The following APBB2 variants were observed in gnomAD, a reference collection of about 807,000 sequenced individuals.
The protein encoded by APBB2 is amyloid beta precursor protein binding family B member 2, also known as Fe65-like 1.
Under a neutral mutation model 82.5 loss-of-function variants are expected in APBB2, and 38 were observed. That is an observed-to-expected ratio of 0.46 (90% CI 0.36 to 0.60). APBB2 has a LOEUF of 0.60. Ranked by LOEUF, APBB2 falls within the 20% of genes least tolerant of loss-of-function variation. The probability of loss-of-function intolerance (pLI) is 0.00; values close to 1 mark genes in which losing one functional copy is unlikely to be tolerated. For synonymous variants in APBB2, 341 were observed against 368.2 expected (o/e 0.93, Z 0.85); for missense variants, 772 against 972.3 (o/e 0.79, Z 2.74).
At chr4:40,924,024 C>T (rs1781990474) in intron 10 of APBB2, among the ~76,000 whole-genome samples, 1 of 152,224 alleles carries the variant, frequency 6.6e-6, no homozygotes, top group Non-Finnish European at 1.5e-5. Context: ...CTGCACCACT[C>T]AACGGAAAAG....
intron 1 of APBB2, among the ~76,000 whole-genome samples, chr4:41,184,164 T>C (rs915483494): frequency 3.9e-5 from 6 of 152,070 alleles, no homozygotes; most frequent in African/African-American, 1.4e-4. Flanking sequence ...CAGGTGGTAA[T>C]GAGAGCCATG....
At chr4:41,148,147 C>A (rs1389611552) in intron 1 of APBB2, among the ~76,000 whole-genome samples, 1 of 152,168 alleles carries the variant, frequency 6.6e-6, no homozygotes, top group East Asian at 1.9e-4. Context: ...CCGAAACTGG[C>A]ATCCAACAAA....
intron 17 of APBB2, among the ~76,000 whole-genome samples, chr4:40,820,313 G>C (rs1407405955): frequency 6.6e-6 from 1 of 152,174 alleles, no homozygotes; most frequent in African/African-American, 2.4e-5. Flanking sequence ...CCTCAGCCTT[G>C]TTCCTCCAAC....
intron 2 of APBB2, among the ~76,000 whole-genome samples, chr4:41,129,160 G>C (rs902470897): frequency 1.3e-5 from 2 of 152,180 alleles, no homozygotes; most frequent in Non-Finnish European, 2.9e-5. Context: ...AACCCATAAA[G>C]CAGGAAGAGC....
intron 12 of APBB2, among the ~76,000 whole-genome samples, chr4:40,841,947 T>C (rs544548867): frequency 6.6e-6 from 1 of 152,358 alleles, no homozygotes; most frequent in South Asian, 2.1e-4. Flanking sequence ...CCCAAAGTGT[T>C]AGGATTACAG....
intron 1 of APBB2, among the ~76,000 whole-genome samples, chr4:41,161,182 A>C (rs921515998): frequency 1.4e-4 from 21 of 151,900 alleles, no homozygotes; most frequent in Admixed American, 6.6e-5. Flanking sequence ...AAAAAAAAAA[A>C]AAAAAAAAAA....
chr4:40,979,300 A>G (rs985470302), intron 6 of APBB2, among the ~76,000 whole-genome samples: 1 of 152,196 alleles, frequency 6.6e-6, no homozygotes, highest in Non-Finnish European at 1.5e-5. Flanking sequence ...TGGACACATA[A>G]AAGAATTCTA....
At chr4:40,941,441 C>T (rs564042777) in intron 7 of APBB2, among the ~76,000 whole-genome samples, 46 of 152,326 alleles carry the variant, frequency 3.0e-4, no homozygotes, top group African/African-American at 1.1e-3. Context: ...CCAAGCCTCC[C>T]AGACATATGA....
At chr4:40,843,532 C>A (rs1459381177) in intron 12 of APBB2, among the ~76,000 whole-genome samples, 1 of 152,164 alleles carries the variant, frequency 6.6e-6, no homozygotes, top group African/African-American at 2.4e-5. Flanking sequence ...GAATATAATA[C>A]CCGAACTGTC....
At chr4:41,064,521 A>G (rs986355494) in intron 4 of APBB2, among the ~76,000 whole-genome samples, 1 of 152,234 alleles carries the variant, frequency 6.6e-6, no homozygotes, top group African/African-American at 2.4e-5. Context: ...AAACAAATAA[A>G]TATCTATACA....
chr4:40,822,885 G>A (rs922671612), intron 16 of APBB2, among the ~76,000 whole-genome samples: 1 of 152,140 alleles, frequency 6.6e-6, no homozygotes, highest in African/African-American at 2.4e-5. Context: ...GAGCATGGAG[G>A]GTGCAGTGCT....
chr4:41,017,860 T>A (rs190633471), intron 5 of APBB2, among the ~76,000 whole-genome samples: 61 of 152,222 alleles, frequency 4.0e-4, no homozygotes, highest in African/African-American at 1.3e-3. Flanking sequence ...ATTCCTCGGG[T>A]TTAAGAGGAT....
intron 10 of APBB2, among the ~76,000 whole-genome samples, chr4:40,923,103 G>T (rs1257147739): frequency 6.6e-6 from 1 of 151,646 alleles, no homozygotes; most frequent in East Asian, 1.9e-4. Flanking sequence ...AGCCTCCCGA[G>T]TAGCTGGGAC....
intron 17 of APBB2, among the ~76,000 whole-genome samples, chr4:40,817,349 A>G (rs1000330031): frequency 6.6e-6 from 1 of 152,166 alleles, no homozygotes; most frequent in East Asian, 1.9e-4. Flanking sequence ...TCAAGGCTGC[A>G]GTGAGCTGTG....
chr4:41,194,498 G>C, intron 1 of APBB2, among the ~76,000 whole-genome samples: 2 of 152,152 alleles, frequency 1.3e-5, no homozygotes, highest in East Asian at 1.9e-4. Context: ...GCTTGGGCAA[G>C]ATGGCAAAAC....
At chr4:41,146,323 CAAA>C (rs35546477) in intron 1 of APBB2, among the ~76,000 whole-genome samples, 5 of 58,332 alleles carry the variant, frequency 8.6e-5, no homozygotes, top group East Asian at 5.2e-4. Flanking sequence ...AAGACTGTCT[CAAA>C]AAAAAAAAAA....
chr4:41,113,010 A>G (rs1373366580), intron 2 of APBB2, among the ~76,000 whole-genome samples: 1 of 152,148 alleles, frequency 6.6e-6, no homozygotes, highest in Non-Finnish European at 1.5e-5. Flanking sequence ...ATGTGGTTTC[A>G]TATCTGTGAA....
chr4:41,142,405 A>G (rs1476857143), intron 2 of APBB2, among the ~76,000 whole-genome samples: 2 of 152,214 alleles, frequency 1.3e-5, no homozygotes, highest in African/African-American at 2.4e-5. Context: ...CCTGTCGTAT[A>G]TAAGTATCTT....
At chr4:40,901,907 T>TTG (rs1443661269) in intron 10 of APBB2, among the ~76,000 whole-genome samples, 42 of 121,562 alleles carry the variant, frequency 3.5e-4, no homozygotes, top group African/African-American at 5.1e-4. Context: ...ATATCCAAAA[T>TTG]TATGTGTGTG....
Sources: allele counts gnomAD v4.1 joint callset (sites outside exome capture counted in the v4.1 genomes callset), GRCh38; gene constraint gnomAD v4.1.1; transcripts MANE v1.5; gene names NCBI Gene and HGNC (gene_info 2026-07-23, HGNC 2026-07-21).